RPRD1B: variants seen among roughly 807,000 people sequenced by gnomAD.
RPRD1B encodes regulation of nuclear pre-mRNA domain containing 1B.
Under a neutral mutation model 41.5 loss-of-function variants are expected in RPRD1B, and 11 were observed. The observed-to-expected ratio is 0.27, with a 90% confidence interval of 0.17 to 0.44. RPRD1B has a LOEUF of 0.44. Among genes scored for constraint, RPRD1B ranks in the 20% least tolerant of loss-of-function variants. The pLI, the probability that RPRD1B is intolerant of heterozygous loss-of-function variation, is 1.00. For missense variants in RPRD1B, 248 were observed against 389.9 expected, an observed-to-expected ratio of 0.64 and a Z score of 3.06; for synonymous variants, 158 against 155.6, an observed-to-expected ratio of 1.02 and a Z score of -0.12.
intron 3 of RPRD1B, 118 bp downstream of exon 3, chr20:38,048,599 A>G (rs2122706796): frequency 6.8e-7 from 1 of 1,470,606 alleles, no homozygotes; most frequent in East Asian, 2.3e-5. Flanking sequence ...CTTCAGAGAG[A>G]CAGATGATCA....
rs573460686 is a variant in RPRD1B, at chr20:38,076,906, C to CTT, written c.831+10679_831+10680dup. Among the ~76,000 whole-genome samples the CTT allele has an allele frequency of 5.6e-3, 355 of 63,496 alleles. 97 individuals carry two copies. Among genetic ancestry groups the CTT allele is most frequent in the East Asian group, 0.026 (44 of 1,690 alleles). The allele number at this position is 63,496 out of a possible 152,430, so 41.7% of individuals were successfully genotyped here. On this transcript the variant is annotated intron_variant, in intron 6 of 6. Transcript: ENST00000373433. Reference sequence around the variant, plus strand: ...CCTTTAGCCTTTTCTCATTCTGGACCTTTTTTTTTTTTTTTTTTTTTTTTT... The same window carrying CTT: ...CCTTTAGCCTTTTCTCATTCTGGACCTTTTTTTTTTTTTTTTTTTTTTTTTTT...
intron 6 of RPRD1B, among the ~76,000 whole-genome samples, chr20:38,075,248 A>G (rs2074448011): frequency 6.6e-6 from 1 of 152,230 alleles, no homozygotes; most frequent in South Asian, 2.1e-4. Flanking sequence ...TTTCCAAAGC[A>G]TCTTAACCAG....
At position 38,089,944 on chromosome 20, in the gene RPRD1B, A is replaced by T; in HGVS notation, c.*69A>T. On this transcript the variant is annotated 3_prime_UTR_variant, in exon 7 of 7. Transcript: ENST00000373433. ...AAGAGGGCAAGTCATGGTTGGAAAT[A>T]ACCTTCTAGCCCCTGGTTCTATCCC... 1 of 1,574,776 alleles carries T rather than the reference A, an allele frequency of 6.4e-7. No individual in the cohort carries two copies. Among genetic ancestry groups the T allele is most frequent in the Non-Finnish European group, 8.6e-7 (1 of 1,161,146 alleles).
intron 3 of RPRD1B, among the ~76,000 whole-genome samples, chr20:38,056,710 T>A (rs2074245485): frequency 6.6e-6 from 1 of 152,226 alleles, no homozygotes; most frequent in Non-Finnish European, 1.5e-5. Context: ...CTGGAGATGC[T>A]GTATCTTAAA....
In RPRD1B at chr20:38,090,837, A is replaced by C. The variant is rs2074606151; in HGVS notation, c.*962A>C. 2 of 985,490 alleles carry C rather than the reference A, an allele frequency of 2.0e-6. No homozygotes were observed. Among genetic ancestry groups the C allele is most frequent in the Non-Finnish European group, 1.2e-6 (1 of 829,956 alleles). 61.0% of individuals were successfully genotyped at this position (985,490 alleles called of 1,614,324 possible). ...ATCCGCTGTCTGGGTGCATGTCCAC[A>C]GTACGGTGGCTAAACTCGAACATCA... On this transcript the variant is annotated 3_prime_UTR_variant, in exon 7 of 7. Transcript: ENST00000373433.
Position 38,033,933 on chromosome 20 carries a change from C to A in RPRD1B, c.-15C>A. ...CGGCCCAGGCCGCTCCCTGCCGGGC[C>A]TCACTGCCGCCACCATGTCCTCCTT... On this transcript the variant is annotated 5_prime_UTR_variant, in exon 1 of 7. Transcript: ENST00000373433. The A allele has an allele frequency of 6.2e-7, 1 of 1,601,458 alleles. No individual in the cohort carries two copies. The highest frequency in any genetic ancestry group is 8.5e-7 in the Non-Finnish European group (1 of 1,173,210).
rs755524167 is a variant in RPRD1B at position 38,059,537 on chromosome 20, T to G, written c.655+17T>G. 4.3e-6 allele frequency: 7 copies of G among 1,613,020 alleles called. No homozygotes were observed. Among genetic ancestry groups the G allele is most frequent in the South Asian group, 3.3e-5 (3 of 91,002 alleles). Reference sequence around the variant, plus strand: ...AAATAACAGGTGAGAAGGTAGAGTTTGGGTGAAAGGTGAGGAGAGAGGGAC... The same window carrying G: ...AAATAACAGGTGAGAAGGTAGAGTTGGGGTGAAAGGTGAGGAGAGAGGGAC... On this transcript the variant is annotated intron_variant, in intron 5 of 6. Coordinates refer to ENST00000373433, the MANE Select transcript of RPRD1B (RefSeq NM_021215.4).
chr20:38,071,939 A>G (rs2074416840), intron 6 of RPRD1B, among the ~76,000 whole-genome samples: 2 of 152,238 alleles, frequency 1.3e-5, no homozygotes, highest in African/African-American at 4.8e-5. Flanking sequence ...CACATAAATG[A>G]TTTGCAACTA....
At position 38,057,660 on chromosome 20, in the gene RPRD1B, C is replaced by T. The variant is rs752829798; in HGVS notation, c.528+16C>T. 1.3e-6 allele frequency: 2 copies of T among 1,564,900 alleles called. No individual in the cohort carries two copies. Among genetic ancestry groups the T allele is most frequent in the Non-Finnish European group, 8.8e-7 (1 of 1,135,512 alleles). On this transcript the variant is annotated intron_variant, in intron 4 of 6. Transcript: ENST00000373433. Reference sequence around the variant, plus strand: ...ACCCCTCTTGGTAGGTCTTGACCCCCAGAGAGTAGGGAACAGTGGCTTAAA... The same window carrying T: ...ACCCCTCTTGGTAGGTCTTGACCCCTAGAGAGTAGGGAACAGTGGCTTAAA...
At chr20:38,070,484 A>G in intron 6 of RPRD1B, 3 of 985,584 alleles carry the variant, frequency 3.0e-6, no homozygotes, top group Non-Finnish European at 3.6e-6. Flanking sequence ...TCCAGAGCAA[A>G]GAGAAGCTTT....
At chr20:38,060,325 C>G (rs999356811) in intron 5 of RPRD1B, among the ~76,000 whole-genome samples, 4 of 152,192 alleles carry the variant, frequency 2.6e-5, no homozygotes, top group Non-Finnish European at 5.9e-5. Flanking sequence ...CACCATTTTC[C>G]CACTCCAGTC....
At chr20:38,047,025 G>A (rs1303582452) in intron 2 of RPRD1B, among the ~76,000 whole-genome samples, 1 of 152,186 alleles carries the variant, frequency 6.6e-6, no homozygotes, top group African/African-American at 2.4e-5. Context: ...ATGCAGGCGA[G>A]AGATGATAGT....
intron 5 of RPRD1B, among the ~76,000 whole-genome samples, chr20:38,060,588 A>C (rs1461227963): frequency 6.6e-6 from 1 of 152,160 alleles, no homozygotes; most frequent in African/African-American, 2.4e-5. Context: ...ATTAGGAAGC[A>C]AGCCATGAGG....
intron 6 of RPRD1B, among the ~76,000 whole-genome samples, chr20:38,086,535 C>G (rs138954080): frequency 1.4e-3 from 218 of 152,300 alleles, no homozygotes; most frequent in Non-Finnish European, 2.5e-3. Flanking sequence ...GACAGGGTCT[C>G]TATTTCCCAG....
intron 5 of RPRD1B, among the ~76,000 whole-genome samples, chr20:38,062,691 C>T (rs899382479): frequency 2.0e-5 from 3 of 152,034 alleles, no homozygotes; most frequent in African/African-American, 4.8e-5. Flanking sequence ...CTAGCTACTT[C>T]GTTTGTTCCT....
intron 6 of RPRD1B, among the ~76,000 whole-genome samples, chr20:38,081,728 C>T (rs921913730): frequency 2.0e-5 from 3 of 152,094 alleles, no homozygotes; most frequent in Non-Finnish European, 4.4e-5. Context: ...TATGTTCCTT[C>T]GATGCCTAGT....
At chr20:38,065,566 A>G (rs562328531) in intron 5 of RPRD1B, among the ~76,000 whole-genome samples, 8 of 152,342 alleles carry the variant, frequency 5.3e-5, no homozygotes, top group East Asian at 3.9e-4. Context: ...TGTAAATGCT[A>G]TGTAAATAGT....
At chr20:38,089,662 C>T in intron 6 of RPRD1B, 64 bp from the exon 7 acceptor site, 1 of 1,383,834 alleles carries the variant, frequency 7.2e-7, no homozygotes, top group Non-Finnish European at 1.0e-6. Context: ...TGCCCGGCTC[C>T]AGCAGCACCC....
chr20:38,056,498 C>T (rs956864061), intron 3 of RPRD1B, among the ~76,000 whole-genome samples: 6 of 152,176 alleles, frequency 3.9e-5, no homozygotes, highest in East Asian at 1.9e-4. Flanking sequence ...ACAGGAGCTA[C>T]GTGACTTGTT....
Sources: gnomAD v4.1 joint callset for allele counts (sites outside exome capture counted in the v4.1 genomes callset) on GRCh38, gnomAD v4.1.1 for gene constraint, MANE v1.5 for transcripts, NCBI Gene and HGNC (gene_info 2026-07-23, HGNC 2026-07-21) for gene names.